Variants in FOXN3 observed in about 807,000 individuals in gnomAD.
FOXN3 encodes the protein forkhead box protein N3.
A neutral mutation model predicts 38.4 loss-of-function variants in FOXN3; 7 were observed. That is an observed-to-expected ratio of 0.18 (90% CI 0.10 to 0.34). The LOEUF is 0.34. FOXN3 is among the 10% of genes least tolerant of loss of function. The pLI is 1.00. For synonymous variants in FOXN3, 230 were observed against 242.2 expected, an observed-to-expected ratio of 0.95 and a Z score of 0.47; for missense variants, 456 against 613.4, an observed-to-expected ratio of 0.74 and a Z score of 2.71.
At chr14:89,508,179 G>A (rs963730256) in intron 1 of FOXN3, among the ~76,000 whole-genome samples, 1 of 152,122 alleles carries the variant, frequency 6.6e-6, no homozygotes, top group Admixed American at 6.5e-5. Flanking sequence ...CCAGCCTTCC[G>A]CATCTGGAAC....
chr14:89,496,996 C>T (rs1893698525), intron 1 of FOXN3, among the ~76,000 whole-genome samples: 1 of 152,168 alleles, frequency 6.6e-6, no homozygotes, highest in East Asian at 1.9e-4. Context: ...GCTCTATCTC[C>T]CAGGCTGGAG....
intron 4 of FOXN3, among the ~76,000 whole-genome samples, chr14:89,258,156 C>A (rs146016310): frequency 6.6e-6 from 1 of 152,280 alleles, no homozygotes; most frequent in Non-Finnish European, 1.5e-5. Context: ...CACCCTGGAG[C>A]AGTGGTGTTT....
rs1383456566 is a variant in FOXN3 at position 89,467,800 on chromosome 14, C to CTTTCTTT, written c.-14-55311_-14-55310insAAAGAAA. ...TCTTCTTCTTCCTTTTCTTTTCTTT[C>CTTTCTTT]TTTGTTTTTTTTTTTTTTTTTTTTT... On this transcript the variant is annotated intron_variant, in intron 1 of 6. Transcript: ENST00000345097. 1.8e-3 allele frequency among the ~76,000 whole-genome samples: 103 copies of CTTTCTTT among 57,872 alleles called. 1 individual carries two copies. The highest frequency in any genetic ancestry group is 5.1e-3 in the African/African-American group (96 of 18,798). The allele number at this position is 57,872 out of a possible 152,430, so 38.0% of individuals were successfully genotyped here.
At chr14:89,450,200 C>T (rs1241859113) in intron 1 of FOXN3, among the ~76,000 whole-genome samples, 2 of 152,222 alleles carry the variant, frequency 1.3e-5, no homozygotes, top group Non-Finnish European at 2.9e-5. Context: ...AGAGCTCCTA[C>T]CCTTACATGA....
chr14:89,611,882 G>A (rs1896401576), intron 1 of FOXN3, among the ~76,000 whole-genome samples: 1 of 151,284 alleles, frequency 6.6e-6, no homozygotes, highest in African/African-American at 2.4e-5. Context: ...TCAGATGTGA[G>A]AACACAGAAT....
At chr14:89,245,436 A>C (rs1885263601) in intron 4 of FOXN3, among the ~76,000 whole-genome samples, 1 of 151,824 alleles carries the variant, frequency 6.6e-6, no homozygotes. Context: ...TTCTCATTTC[A>C]AAATTCCTTG....
intron 1 of FOXN3, among the ~76,000 whole-genome samples, chr14:89,492,072 A>C (rs1169551098): frequency 6.6e-6 from 1 of 152,218 alleles, no homozygotes; most frequent in South Asian, 2.1e-4. Flanking sequence ...CTCCCCAAAA[A>C]ACAAAAGTTG....
At chr14:89,413,556 CCAAGAAG>C (rs984806454) in intron 1 of FOXN3, among the ~76,000 whole-genome samples, 2 of 151,964 alleles carry the variant, frequency 1.3e-5, no homozygotes, top group Non-Finnish European at 2.9e-5. Context: ...CTGCTTGAAC[CCAAGAAG>C]CTGAGGCTGC....
At chr14:89,210,176 G>C (rs1261346448) in intron 4 of FOXN3, among the ~76,000 whole-genome samples, 9 of 152,222 alleles carry the variant, frequency 5.9e-5, no homozygotes, top group Non-Finnish European at 5.9e-5. Context: ...CCTGGCAAGA[G>C]GTACCTGGAT....
intron 1 of FOXN3, among the ~76,000 whole-genome samples, chr14:89,483,607 C>T (rs1032485105): frequency 1.7e-4 from 26 of 152,118 alleles, no homozygotes; most frequent in African/African-American, 6.0e-4. Flanking sequence ...GGGGTTTCAC[C>T]ATGTTGGTCA....
At chr14:89,364,315 A>C (rs1890063441) in intron 2 of FOXN3, 1 of 150,522 alleles carries the variant, frequency 6.6e-6, no homozygotes, top group African/African-American at 2.4e-5. Context: ...TTTATGTCCA[A>C]CCTTGCTCTC....
In FOXN3 at chr14:89,455,945, C is replaced by T. The variant is rs534061320; in HGVS notation, c.-14-43455G>A. Among the ~76,000 whole-genome samples the T allele has an allele frequency of 8.3e-4, 126 of 152,286 alleles. 1 individual carries two copies. Among genetic ancestry groups the T allele is most frequent in the Non-Finnish European group, 2.9e-4 (20 of 68,024 alleles). On this transcript the variant is annotated intron_variant, in intron 1 of 6. Coordinates refer to the FOXN3 transcript ENST00000345097. Reference sequence around the variant, plus strand: ...GCGCGGTGGCTCATGCCTGTAATCCCAGCACTTTGGGAGGCCAAGGCGGGC... The same window carrying T: ...GCGCGGTGGCTCATGCCTGTAATCCTAGCACTTTGGGAGGCCAAGGCGGGC...
chr14:89,313,241 T>C (rs374902214), intron 3 of FOXN3, among the ~76,000 whole-genome samples: 7 of 152,038 alleles, frequency 4.6e-5, no homozygotes, highest in Non-Finnish European at 1.0e-4. Flanking sequence ...ATTGCACACA[T>C]AGTAAAAAAA....
chr14:89,253,919 T>C (rs769193849), intron 4 of FOXN3, among the ~76,000 whole-genome samples: 21 of 152,212 alleles, frequency 1.4e-4, no homozygotes, highest in Non-Finnish European at 2.4e-4. Flanking sequence ...CCTGTCCCAA[T>C]GGCTGTTGCT....
At chr14:89,325,815 C>T (rs2139979851) in intron 3 of FOXN3, among the ~76,000 whole-genome samples, 1 of 152,216 alleles carries the variant, frequency 6.6e-6, no homozygotes, top group South Asian at 2.1e-4. Context: ...GATGCTCTGC[C>T]CCTGGGGGCT....
chr14:89,156,620 CT>C lies in FOXN3; in HGVS notation c.*5793del, dbSNP rs2139767287. ...CATCAATAGTAAACCTCTTGGTCTT[CT>C]GATTGCTTTATCACTTTTTTTTTTT... is the stretch of plus-strand genomic sequence containing the variant. On this transcript the variant is annotated 3_prime_UTR_variant, in exon 6 of 6. Transcript: ENST00000557258. 6.6e-6 allele frequency: 1 copy of C among 151,578 alleles called. No individual in the cohort carries two copies. Among genetic ancestry groups the C allele is most frequent in the African/African-American group, 2.4e-5 (1 of 41,308 alleles). The allele number at this position is 151,578 out of a possible 1,614,324, so 9.4% of individuals were successfully genotyped here.
At chr14:89,559,931 C>T (rs1160126724) in intron 1 of FOXN3, among the ~76,000 whole-genome samples, 1 of 152,108 alleles carries the variant, frequency 6.6e-6, no homozygotes, top group Non-Finnish European at 1.5e-5. Context: ...GCCTTCCTTG[C>T]ATGAACCAGT....
chr14:89,314,545 A>C (rs1887666274), intron 3 of FOXN3, among the ~76,000 whole-genome samples: 1 of 152,230 alleles, frequency 6.6e-6, no homozygotes, highest in Non-Finnish European at 1.5e-5. Context: ...CTGTCAACTA[A>C]AGATACTTTT....
At chr14:89,267,692 A>C (rs1436114453) in intron 4 of FOXN3, among the ~76,000 whole-genome samples, 1 of 152,242 alleles carries the variant, frequency 6.6e-6, no homozygotes, top group Admixed American at 6.5e-5. Context: ...TTTAAAATTA[A>C]GACACCTCTA....
Sources: gnomAD v4.1 joint callset for allele counts (sites outside exome capture counted in the v4.1 genomes callset) on GRCh38, gnomAD v4.1.1 for gene constraint, MANE v1.5 for transcripts, NCBI Gene and HGNC (gene_info 2026-07-23, HGNC 2026-07-21) for gene names.